Variants in RPN1 observed in about 807,000 individuals in gnomAD.
The protein encoded by RPN1 is dolichyl-diphosphooligosaccharide--protein glycosyltransferase subunit 1.
Under a neutral mutation model 55.5 loss-of-function variants are expected in RPN1, and 12 were observed. That is an observed-to-expected ratio of 0.22 (90% confidence interval 0.14 to 0.35). RPN1 has a LOEUF of 0.35. Ranked by LOEUF, RPN1 falls within the 10% of genes least tolerant of loss-of-function variation. The pLI, the probability that RPN1 is intolerant of heterozygous loss-of-function variation, is 1.00. For synonymous variants in RPN1, 317 were observed against 305.9 expected, an observed-to-expected ratio of 1.04 and a Z score of -0.38; for missense variants, 679 against 761.3, an observed-to-expected ratio of 0.89 and a Z score of 1.27.
chr3:128,620,359 T>C lies in RPN1; in HGVS notation c.*52A>G. On this transcript the variant is annotated 3_prime_UTR_variant, in exon 10 of 10. Transcript: ENST00000296255. ...ACCTCCCACTACCACCCAATCTGCC[T>C]GCCACAGCAAAGTGCAGGCACCCTG... The C allele has an allele frequency of 6.5e-7, 1 of 1,544,220 alleles. No individual in the cohort carries two copies. The highest frequency in any genetic ancestry group is 8.8e-7 in the Non-Finnish European group (1 of 1,136,642).
chr3:128,650,513 C>T, intron 1 of RPN1, 27 bp downstream of exon 1: 1 of 1,514,250 alleles, frequency 6.6e-7, no homozygotes, highest in South Asian at 1.2e-5. Context: ...GTCCCGGGAG[C>T]GGCGGCGAGG....
intron 9 of RPN1, 73 bp from the exon 10 acceptor site, chr3:128,620,666 C>T: frequency 6.7e-7 from 1 of 1,482,848 alleles, no homozygotes; most frequent in Non-Finnish European, 9.2e-7. Flanking sequence ...CACCATCTCC[C>T]AGGCCTACAG....
At chr3:128,643,776 AGAGAGC>A (rs1190746055) in intron 2 of RPN1, among the ~76,000 whole-genome samples, 2 of 151,728 alleles carry the variant, frequency 1.3e-5, no homozygotes, top group Admixed American at 6.6e-5. Context: ...GCCCAGGCAA[AGAGAGC>A]GAAACTCTCT....
chr3:128,632,824 A>G (rs2069651213), intron 3 of RPN1, among the ~76,000 whole-genome samples: 2 of 152,104 alleles, frequency 1.3e-5, no homozygotes, highest in African/African-American at 4.8e-5. Context: ...CGAACCCCTG[A>G]CCTCAGGTGA....
rs1369950604 is a variant in RPN1 at position 128,625,871 on chromosome 3, C to G, written c.1275+3G>C. The G allele has an allele frequency of 6.2e-7, 1 of 1,607,342 alleles. No homozygotes were observed. Among genetic ancestry groups the G allele is most frequent in the Non-Finnish European group, 8.5e-7 (1 of 1,177,086 alleles). On this transcript the variant is annotated splice_donor_region_variant and intron_variant, in intron 7 of 9. Coordinates refer to ENST00000296255, the MANE Select transcript of RPN1 (RefSeq NM_002950.4). ...ATGGAAGGCAAACAGTGGAGCCACT[C>G]ACCACAATGTCCTGAATGTGCTGTT...
intron 8 of RPN1, among the ~76,000 whole-genome samples, chr3:128,622,663 G>C (rs999662330): frequency 2.6e-5 from 4 of 152,096 alleles, no homozygotes; most frequent in Non-Finnish European, 5.9e-5. Context: ...GGGAGGCCAA[G>C]GTGGGCAGAT....
intron 4 of RPN1, among the ~76,000 whole-genome samples, chr3:128,631,286 C>A (rs1349555476): frequency 6.6e-6 from 1 of 151,540 alleles, no homozygotes; most frequent in Non-Finnish European, 1.5e-5. Flanking sequence ...CCAGCCTGTC[C>A]AACATGGAGA....
chr3:128,645,041 A>G lies in RPN1; in HGVS notation c.262-58T>C, dbSNP rs1014928316. On this transcript the variant is annotated intron_variant, in intron 1 of 9. Transcript: ENST00000296255. ...TCTTTTGGCTTCTAAATTTTGAGTC[A>G]ATAATTAACCAAGTGCTTTAGAACA... The G allele has an allele frequency of 8.2e-6, 8 of 975,756 alleles. No individual in the cohort carries two copies. In the Admixed American group the frequency reaches 1.4e-4, roughly 17 times the overall value. The allele number at this position is 975,756 out of a possible 1,614,324, so 60.4% of individuals were successfully genotyped here.
chr3:128,636,848 G>A (rs1236183716), intron 3 of RPN1, among the ~76,000 whole-genome samples: 1 of 152,198 alleles, frequency 6.6e-6, no homozygotes, highest in African/African-American at 2.4e-5. Flanking sequence ...TGCACCCAGT[G>A]CAAAGAAATC....
chr3:128,644,596 G>A (rs1286891158), intron 2 of RPN1: 6 of 512,616 alleles, frequency 1.2e-5, no homozygotes, highest in South Asian at 3.1e-5. Context: ...GGAGGTGGAG[G>A]TTGCAGTGAG....
rs369854111 is a variant in RPN1, at chr3:128,625,520, G to C, written c.1395+14C>G. 400 of 1,614,050 alleles carry C rather than the reference G, an allele frequency of 2.5e-4. No homozygotes were observed. Among genetic ancestry groups the C allele is most frequent in the Non-Finnish European group, 3.3e-4 (385 of 1,180,026 alleles). Reference sequence around the variant, plus strand: ...GGACACAAATGACAAGCAGGAAGAAGGCAGAGACGGTACCTTGGTGATGGA... The same window carrying C: ...GGACACAAATGACAAGCAGGAAGAACGCAGAGACGGTACCTTGGTGATGGA... On this transcript the variant is annotated intron_variant, in intron 8 of 9. Coordinates refer to ENST00000296255, the MANE Select transcript of RPN1 (RefSeq NM_002950.4).
intron 2 of RPN1, 47 bp from the exon 3 acceptor site, chr3:128,638,152 GA>G (rs751763503): frequency 3.5e-6 from 5 of 1,425,480 alleles, no homozygotes; most frequent in Non-Finnish European, 3.9e-6. Flanking sequence ...TGAGGATACT[GA>G]AAACAGTAGT....
At chr3:128,634,114 T>C (rs1386480375) in intron 3 of RPN1, among the ~76,000 whole-genome samples, 3 of 151,992 alleles carry the variant, frequency 2.0e-5, no homozygotes, top group African/African-American at 7.2e-5. Flanking sequence ...TCACTTGAGG[T>C]CAGGAGTTTG....
intron 1 of RPN1, among the ~76,000 whole-genome samples, 159 bp downstream of exon 1, chr3:128,650,381 C>T (rs1289459760): frequency 6.6e-6 from 1 of 151,192 alleles, no homozygotes; most frequent in East Asian, 2.0e-4. Context: ...GGACTCCTCG[C>T]GGGCCCCGAG....
Position 128,644,985 on chromosome 3 carries a change from T to C in RPN1, c.262-2A>G, listed in dbSNP as rs200354372. 6.5e-7 allele frequency: 1 copy of C among 1,540,206 alleles called. No homozygotes were observed. The highest frequency in any genetic ancestry group is 1.1e-5 in the South Asian group (1 of 89,144). On this transcript the variant is annotated splice_acceptor_variant, in intron 1 of 9. Transcript: ENST00000296255. LOFTEE classifies it high-confidence loss of function. Reference sequence around the variant, plus strand: ...CTCTTCCTCATCTTCTCCCTTTACCTACAACAGAAAAAGATAGTTTATTAT... The same window carrying C: ...CTCTTCCTCATCTTCTCCCTTTACCCACAACAGAAAAAGATAGTTTATTAT...
intron 1 of RPN1, among the ~76,000 whole-genome samples, chr3:128,650,178 G>A (rs1003711994): frequency 6.6e-6 from 1 of 152,224 alleles, no homozygotes; most frequent in African/African-American, 2.4e-5. Flanking sequence ...GCGTTCTACC[G>A]GCCCGAGGTC....
At chr3:128,626,942 A>T (rs2069603752) in intron 5 of RPN1, 110 bp from the exon 6 acceptor site, 6 of 902,160 alleles carry the variant, frequency 6.7e-6, no homozygotes, top group Non-Finnish European at 1.1e-5. Context: ...CAGCAAAACC[A>T]AAAACCCACG....
intron 8 of RPN1, among the ~76,000 whole-genome samples, chr3:128,622,968 C>T (rs1288766550): frequency 6.6e-6 from 1 of 151,292 alleles, no homozygotes; most frequent in Admixed American, 6.6e-5. Flanking sequence ...TAGATGTGAA[C>T]AAGGATGATA....
chr3:128,650,475 G>C, intron 1 of RPN1, 65 bp downstream of exon 1: 1 of 1,453,350 alleles, frequency 6.9e-7, no homozygotes. Flanking sequence ...GCGGAGTCGG[G>C]GGACCGCCAG....
Sources: allele counts gnomAD v4.1 joint callset (sites outside exome capture counted in the v4.1 genomes callset), GRCh38; gene constraint gnomAD v4.1.1; transcripts MANE v1.5; gene names NCBI Gene and HGNC (gene_info 2026-07-23, HGNC 2026-07-21).